SPTBN4: variants seen among roughly 807,000 people sequenced by gnomAD.
SPTBN4 encodes the protein spectrin beta, non-erythrocytic 4.
SPTBN4 carries 96 observed loss-of-function variants against 277.8 expected under a neutral mutation model. That is an observed-to-expected ratio of 0.35 (90% CI 0.29 to 0.41). The LOEUF is 0.41. Among genes scored for constraint, SPTBN4 ranks in the 10% least tolerant of loss-of-function variants. SPTBN4 has a pLI of 1.00. For missense variants in SPTBN4, 3,006 were observed against 3,595.7 expected, an observed-to-expected ratio of 0.84 and a Z score of 4.19; for synonymous variants, 1,481 against 1,580.3, an observed-to-expected ratio of 0.94 and a Z score of 1.49.
Position 40,502,161 on chromosome 19 carries a change from A to G in SPTBN4, c.931A>G (p.Ile311Val). 1.2e-6 allele frequency: 2 copies of G among 1,614,118 alleles called. No homozygotes were observed. Among genetic ancestry groups the G allele is most frequent in the South Asian group, 1.1e-5 (1 of 91,086 alleles). ...CCAGGTATTGGAGGTGGGGAAGATC[A>G]TAGAACGCTACGAGGAGCTGGCGGC... ...LDQVLEVGKI[I>V]ERYEELAAEL... is the part of the protein sequence containing the mutation. Residue 311 changes from isoleucine (I) to valine (V), a missense_variant, in exon 9 of 36, where the codon ATA (isoleucine) becomes GTA (valine). By Grantham distance (29) the Ile-to-Val change is conservative. Coordinates refer to ENST00000598249, the MANE Select transcript of SPTBN4 (RefSeq NM_020971.3). The surrounding 1 kb of genome is among the most constrained non-coding windows in gnomAD (Gnocchi z 4.9).
At chr19:40,535,814 G>A (rs1238332722) in intron 20 of SPTBN4, among the ~76,000 whole-genome samples, 1 of 152,146 alleles carries the variant, frequency 6.6e-6, no homozygotes, top group Non-Finnish European at 1.5e-5. Context: ...GTGCACGCCT[G>A]TAATCCTAGC....
At chr19:40,495,045 G>A (rs1599729319) in intron 6 of SPTBN4, 68 bp downstream of exon 6, 1 of 1,438,090 alleles carries the variant, frequency 7.0e-7, no homozygotes, top group Non-Finnish European at 9.8e-7. Context: ...CTGCACACCT[G>A]TACATGTACT....
intron 18 of SPTBN4, chr19:40,530,683 C>A: frequency 2.3e-6 from 1 of 428,008 alleles, no homozygotes; most frequent in Non-Finnish European, 3.0e-6. Flanking sequence ...GTCGTGGCCG[C>A]GGGAGGGAGG....
At chr19:40,545,543 C>G (rs1463016175) in intron 20 of SPTBN4, among the ~76,000 whole-genome samples, 1 of 152,158 alleles carries the variant, frequency 6.6e-6, no homozygotes, top group Non-Finnish European at 1.5e-5. Context: ...CTGAGTGTGC[C>G]CATCTCCCAA....
chr19:40,570,592 A>C lies in SPTBN4; in HGVS notation c.7183A>C (p.Ser2395Arg), dbSNP rs2145959955. The C allele has an allele frequency of 2.2e-6, 3 of 1,376,702 alleles. No homozygotes were observed. The highest frequency in any genetic ancestry group is 2.8e-6 in the Non-Finnish European group (3 of 1,065,762). 85.3% of individuals were successfully genotyped at this position (1,376,702 alleles called of 1,614,324 possible). A position where few individuals can be genotyped will look rare whatever the true frequency, so the allele number is the denominator to read the frequency against. ...CAGAGAGGGTGGTGAGGGCGGGGGA[A>C]GCCGGCGCTCGCGCTCCGCCCCGGC... The part of the protein sequence containing the change: ...RPREGGEGGG[S>R]RRSRSAPAQG... Residue 2395 changes from serine (S) to arginine (R), a missense_variant, in exon 33 of 36, where the codon AGC (serine) becomes CGC (arginine). By Grantham distance (110) the Ser-to-Arg change is moderately radical (BLOSUM62 -1). Around this residue, in one of 5 missense-constraint regions of SPTBN4, gnomAD observed 630 missense variants for 677.6 expected, o/e 0.93. Transcript: ENST00000598249.
intron 20 of SPTBN4, among the ~76,000 whole-genome samples, chr19:40,548,333 C>CA (rs899247886): frequency 1.5e-4 from 23 of 151,724 alleles, no homozygotes; most frequent in Non-Finnish European, 2.2e-4. Flanking sequence ...ACTAAAAATA[C>CA]AAAAAAAATT....
chr19:40,520,214 A>T (rs1462941510), intron 16 of SPTBN4, 63 bp downstream of exon 16: 1 of 871,214 alleles, frequency 1.1e-6, no homozygotes, highest in East Asian at 5.2e-5. Context: ...GATTGCAGGG[A>T]CAGGGACATG....
chr19:40,562,529 C>CAA lies in SPTBN4; in HGVS notation c.5915+2148_5915+2149dup, dbSNP rs35366889. Among the ~76,000 whole-genome samples the CAA allele has an allele frequency of 5.0e-3, 277 of 55,558 alleles. 3 individuals are homozygous for CAA. The highest frequency in any genetic ancestry group is 5.8e-3 in the Non-Finnish European group (183 of 31,714). The allele number at this position is 55,558 out of a possible 152,430, so 36.4% of individuals were successfully genotyped here. A position where few individuals can be genotyped will look rare whatever the true frequency, so the allele number is the denominator to read the frequency against. ...TGGGCAACAGAGCGAGACTCTGTGTCAAAAAAAAAAAAAAAAAAAAAAAGG... is the reference window on the plus strand; with the variant it reads ...TGGGCAACAGAGCGAGACTCTGTGTCAAAAAAAAAAAAAAAAAAAAAAAAAGG... On this transcript the variant is annotated intron_variant, in intron 27 of 35. Transcript: ENST00000598249.
intron 26 of SPTBN4, among the ~76,000 whole-genome samples, chr19:40,558,947 TATG>T (rs1555718858): frequency 1.4e-5 from 2 of 146,140 alleles, no homozygotes; most frequent in African/African-American, 5.1e-5. Context: ...TTATTATTAT[TATG>T]AGGCAGAGTC....
rs2081091023 is a variant in SPTBN4, at chr19:40,566,239, G to A, written c.6216G>A (p.Gln2072=). The part of the protein sequence containing the change: ...AWLTAQEPLL[Q]SRELGSSVDE... Reference sequence around the variant, plus strand: ...TGACAGCCCAGGAGCCGCTCCTGCAGAGCCGGGAGCTGGGCAGCAGCGTGG... The same window carrying A: ...TGACAGCCCAGGAGCCGCTCCTGCAAAGCCGGGAGCTGGGCAGCAGCGTGG... Residue 2072 remains glutamine, a synonymous_variant, in exon 30 of 36, where the codon CAG becomes CAA. Transcript: ENST00000598249. 6.4e-7 allele frequency: 1 copy of A among 1,562,058 alleles called. No homozygotes were observed. Among genetic ancestry groups the A allele is most frequent in the Non-Finnish European group, 8.7e-7 (1 of 1,152,826 alleles).
At chr19:40,522,017 G>A (rs1376769450) in intron 16 of SPTBN4, among the ~76,000 whole-genome samples, 2 of 152,024 alleles carry the variant, frequency 1.3e-5, no homozygotes, top group East Asian at 3.9e-4. Context: ...AGTTCACACA[G>A]TACCCAGTTT....
At position 40,567,881 on chromosome 19, in the gene SPTBN4, C is replaced by T. The variant is rs1275799005; in HGVS notation, c.6555C>T (p.Pro2185=). 2 of 1,524,240 alleles carry T rather than the reference C, an allele frequency of 1.3e-6. No individual in the cohort carries two copies. Among genetic ancestry groups the T allele is most frequent in the South Asian group, 2.4e-5 (2 of 81,960 alleles). The allele number at this position is 1,524,240 out of a possible 1,614,324, so 94.4% of individuals were successfully genotyped here. A position where few individuals can be genotyped will look rare whatever the true frequency, so the allele number is the denominator to read the frequency against. ...RVGYVRQELK[P]ERLQPRIDRL... ...GGTATGTGCGCCAGGAGCTCAAGCCCGAGCGCCTCCAGCCGCGCATTGACC... is the reference window on the plus strand; with the variant it reads ...GGTATGTGCGCCAGGAGCTCAAGCCTGAGCGCCTCCAGCCGCGCATTGACC... Residue 2185 remains proline (P), a synonymous_variant, in exon 31 of 36, where the codon CCC becomes CCT. Transcript: ENST00000598249.
At position 40,519,294 on chromosome 19, in the gene SPTBN4, C is replaced by A; in HGVS notation, c.2904-107C>A. 1 of 1,181,600 alleles carries A rather than the reference C, an allele frequency of 8.5e-7. No homozygotes were observed. 73.2% of individuals were successfully genotyped at this position (1,181,600 alleles called of 1,614,324 possible). On this transcript the variant is annotated intron_variant, in intron 15 of 35. Coordinates refer to ENST00000598249, the MANE Select transcript of SPTBN4 (RefSeq NM_020971.3). The surrounding 1 kb of genome is among the most constrained non-coding windows in gnomAD (Gnocchi z 5.7). ...AAACTGGAGAAACTTTCTGAGGTCA[C>A]ACAGTGGCTGGGTGGCTTGGGCCTG... is the stretch of plus-strand genomic sequence containing the variant.
In SPTBN4 at chr19:40,554,718, C is replaced by T. The variant is rs2080958177; in HGVS notation, c.5084+72C>T. On this transcript the variant is annotated intron_variant, in intron 24 of 35. Coordinates refer to ENST00000598249, the MANE Select transcript of SPTBN4 (RefSeq NM_020971.3). The surrounding 1 kb of genome is among the most constrained non-coding windows in gnomAD (Gnocchi z 5.7). Reference sequence around the variant, plus strand: ...GAAGCTTCGCTGTTGGGAGTTGGCGCAGCGCTGGAATTGGACGTTGGGTGG... The same window carrying T: ...GAAGCTTCGCTGTTGGGAGTTGGCGTAGCGCTGGAATTGGACGTTGGGTGG... The T allele has an allele frequency of 6.4e-7, 1 of 1,554,826 alleles. No individual in the cohort carries two copies. The highest frequency in any genetic ancestry group is 1.4e-5 in the African/African-American group (1 of 73,542).
chr19:40,560,369 A>G lies in SPTBN4; in HGVS notation c.5881A>G (p.Ile1961Val). 6.2e-7 allele frequency: 1 copy of G among 1,613,988 alleles called. No individual in the cohort carries two copies. Among genetic ancestry groups the G allele is most frequent in the Non-Finnish European group, 8.5e-7 (1 of 1,180,026 alleles). The change falls in exon 27 of 36, where the codon ATC becomes GTC. Residue 1961 changes from isoleucine (I) to valine (V), a missense_variant. Physicochemically the swap from Ile to Val is conservative, Grantham distance 29. Transcript: ENST00000598249. The surrounding 1 kb of genome is among the most constrained non-coding windows in gnomAD (Gnocchi z 5.2). Reference protein sequence around the residue: ...VRDLLSWMDGIASQIGAADKP... With the variant: ...VRDLLSWMDGVASQIGAADKP... ...CGACCTGCTCTCCTGGATGGATGGC[A>G]TCGCCAGCCAGATTGGGGCAGCCGA...
At position 40,502,114 on chromosome 19, in the gene SPTBN4, C is replaced by T; in HGVS notation, c.898-14C>T. ...GGTGGGATGAGGCTGACCCCCCTTC[C>T]TCTGCTGTGTCAGGTCTTGGACCAG... is the stretch of plus-strand genomic sequence containing the variant. On this transcript the variant is annotated splice_polypyrimidine_tract_variant and intron_variant, in intron 8 of 35. Transcript: ENST00000598249. This position sits in a 1 kb window ranked among gnomAD's most constrained non-coding sequence, Gnocchi z 4.9. 1 of 1,613,332 alleles carries T rather than the reference C, an allele frequency of 6.2e-7. No homozygotes were observed. The highest frequency in any genetic ancestry group is 8.5e-7 in the Non-Finnish European group (1 of 1,179,696).
chr19:40,568,791 G>C (rs2081122096), intron 31 of SPTBN4, among the ~76,000 whole-genome samples: 1 of 152,262 alleles, frequency 6.6e-6, no homozygotes, highest in Non-Finnish European at 1.5e-5. Context: ...TCAGAATCCA[G>C]AGTTGGCCAG....
intron 24 of SPTBN4, among the ~76,000 whole-genome samples, chr19:40,555,879 T>C (rs552094717): frequency 6.6e-6 from 1 of 151,410 alleles, no homozygotes; most frequent in East Asian, 1.9e-4. Context: ...ATCACACCAC[T>C]GCACTCCAGC....
At chr19:40,480,057 C>T (rs973587728) in intron 2 of SPTBN4, among the ~76,000 whole-genome samples, 2 of 152,020 alleles carry the variant, frequency 1.3e-5, no homozygotes, top group Non-Finnish European at 2.9e-5. Flanking sequence ...TGAGACCATC[C>T]TGGCTAACAC....
Sources: gnomAD v4.1 joint callset for allele counts (sites outside exome capture counted in the v4.1 genomes callset) on GRCh38, gnomAD v4.1.1 for gene constraint, gnomAD v4.1.1 regional missense constraint, Gnocchi (gnomAD v3.1) non-coding constraint, MANE v1.5 for transcripts, NCBI Gene and HGNC (gene_info 2026-07-23, HGNC 2026-07-21) for gene names.